Variants in MYO3A observed in about 807,000 individuals in gnomAD.
The protein encoded by MYO3A is myosin IIIA, also known as myosin-IIIa.
MYO3A carries 180 observed loss-of-function variants against 192.7 expected under a neutral mutation model. That is an observed-to-expected ratio of 0.93 (90% CI 0.83 to 1.06). The LOEUF (loss-of-function observed/expected upper bound fraction) is 1.06. Among genes scored for constraint, MYO3A ranks in the 50% least tolerant of loss-of-function variants. The probability of loss-of-function intolerance (pLI) is 0.00; values close to 1 mark genes in which losing one functional copy is unlikely to be tolerated. For missense variants in MYO3A, 1,896 were observed against 1,905.0 expected (o/e 1.00, Z 0.09); for synonymous variants, 628 against 645.3 (o/e 0.97, Z 0.41).
chr10:26,174,297 G>T lies in MYO3A; in HGVS notation c.4033G>T (p.Glu1345Ter). ...TGAACCAGTGACACAGGCCCAGGAG[G>T]AAGAAGATAAAGCAGCGGTATTCAT... ...QVEPVTQAQE[E>*]EDKAAVFIQS... The change falls in exon 30 of 35, where the codon GAA (glutamate) becomes TAA (stop). Residue 1345 changes from glutamate to a stop codon, truncating the protein, a stop_gained. Coordinates refer to ENST00000642920, the MANE Select transcript of MYO3A (RefSeq NM_017433.5). LOFTEE classifies it high-confidence loss of function. 1 of 1,614,024 alleles carries T rather than the reference G, an allele frequency of 6.2e-7. No individual in the cohort carries two copies. The highest frequency in any genetic ancestry group is 1.7e-4 in the Middle Eastern group (1 of 6,060).
At chr10:26,048,814 A>G (rs1224942184) in intron 10 of MYO3A, among the ~76,000 whole-genome samples, 2 of 152,196 alleles carry the variant, frequency 1.3e-5, no homozygotes, top group Admixed American at 6.5e-5. Context: ...TGTTGGAGAT[A>G]ATGCTTTGAG....
intron 18 of MYO3A, among the ~76,000 whole-genome samples, chr10:26,122,874 AT>A (rs1204399967): frequency 1.3e-5 from 2 of 152,230 alleles, no homozygotes; most frequent in African/African-American, 4.8e-5. Flanking sequence ...GTAGTAGACA[AT>A]AAATGTATGT....
At chr10:25,935,099 T>C (rs922534222) in intron 1 of MYO3A, among the ~76,000 whole-genome samples, 2 of 152,058 alleles carry the variant, frequency 1.3e-5, no homozygotes, top group Non-Finnish European at 2.9e-5. Context: ...TTCCGGGTGA[T>C]TTCTCAGAAC....
Position 26,004,090 on chromosome 10 carries a change from C to A in MYO3A, c.508+6832C>A, listed in dbSNP as rs1256445742. On this transcript the variant is annotated intron_variant, in intron 6 of 34. Transcript: ENST00000642920. ...GGGTGGGACAAGCAAGCATGGGAGT[C>A]CAGGTGCAGCTCAGTAGGCAGTTTG... 3.9e-5 allele frequency among the ~76,000 whole-genome samples: 6 copies of A among 152,084 alleles called. No individual in the cohort carries two copies. The East Asian group carries it at 1.2e-3, about 29-fold the overall frequency.
intron 26 of MYO3A, 94 bp from the exon 27 acceptor site, chr10:26,165,973 C>T (rs1318497696): frequency 6.8e-6 from 7 of 1,026,586 alleles, no homozygotes; most frequent in Non-Finnish European, 9.3e-6. Flanking sequence ...GGCATCTCTT[C>T]CTCAGCCCCT....
intron 22 of MYO3A, 113 bp from the exon 23 acceptor site, chr10:26,147,317 C>T: frequency 8.8e-7 from 1 of 1,140,154 alleles, no homozygotes; most frequent in Non-Finnish European, 1.3e-6. Context: ...ATCACTGTTG[C>T]TGAACATAGA....
At chr10:26,158,457 G>A (rs757943858) in intron 26 of MYO3A, among the ~76,000 whole-genome samples, 6 of 151,800 alleles carry the variant, frequency 4.0e-5, no homozygotes, top group Non-Finnish European at 7.4e-5. Flanking sequence ...GGGTTTCACC[G>A]TGTTAGCCAG....
chr10:26,211,820 T>A, intron 34 of MYO3A, 23 bp from the exon 35 acceptor site: 3 of 1,613,816 alleles, frequency 1.9e-6, no homozygotes, highest in Non-Finnish European at 2.5e-6. Context: ...GGTTGACACT[T>A]GGGCCCTGGG....
At chr10:26,125,860 T>A (rs1279966122) in intron 19 of MYO3A, among the ~76,000 whole-genome samples, 1 of 152,188 alleles carries the variant, frequency 6.6e-6, no homozygotes, top group Non-Finnish European at 1.5e-5. Flanking sequence ...AGAAAGTGAA[T>A]TCTTAAAATG....
intron 4 of MYO3A, among the ~76,000 whole-genome samples, chr10:25,992,922 G>C (rs1840149406): frequency 1.3e-5 from 2 of 152,160 alleles, no homozygotes; most frequent in African/African-American, 4.8e-5. Context: ...GTATTTTATT[G>C]AGGATATTTG....
At chr10:26,054,685 A>G (rs1844209919) in intron 10 of MYO3A, among the ~76,000 whole-genome samples, 4 of 152,200 alleles carry the variant, frequency 2.6e-5, no homozygotes. Flanking sequence ...GACAGAGGCA[A>G]GAAGGTTAGT....
At chr10:25,961,031 T>C (rs1313103337) in intron 4 of MYO3A, among the ~76,000 whole-genome samples, 1 of 152,210 alleles carries the variant, frequency 6.6e-6, no homozygotes, top group African/African-American at 2.4e-5. Context: ...ATTTTAGAGT[T>C]TAATTCTTGT....
chr10:26,035,621 T>G (rs1842989726), intron 10 of MYO3A, among the ~76,000 whole-genome samples: 1 of 152,222 alleles, frequency 6.6e-6, no homozygotes, highest in Admixed American at 6.5e-5. Flanking sequence ...TGTGGATCCT[T>G]ATTTTAGAGA....
chr10:26,151,546 T>C (rs981748297), intron 23 of MYO3A, among the ~76,000 whole-genome samples: 5 of 152,210 alleles, frequency 3.3e-5, no homozygotes, highest in Admixed American at 6.5e-5. Flanking sequence ...TTTCAACTTA[T>C]TGTTTTTCTT....
At chr10:26,141,113 G>C (rs938271170) in intron 20 of MYO3A, among the ~76,000 whole-genome samples, 6 of 152,100 alleles carry the variant, frequency 3.9e-5, no homozygotes, top group Admixed American at 2.6e-4. Context: ...ATTTTTAGTA[G>C]AGATGGGGTT....
chr10:26,124,966 T>C (rs1178066967), intron 18 of MYO3A, among the ~76,000 whole-genome samples: 2 of 152,172 alleles, frequency 1.3e-5, no homozygotes, highest in Admixed American at 1.3e-4. Flanking sequence ...TTTATTGAGG[T>C]ATACCCCTGA....
chr10:26,187,712 A>C (rs545484282), intron 31 of MYO3A, among the ~76,000 whole-genome samples: 7 of 136,874 alleles, frequency 5.1e-5, no homozygotes, highest in Non-Finnish European at 1.1e-4. Flanking sequence ...TCATTGTTCA[A>C]TTCCCACCTG....
chr10:26,092,054 C>A (rs1436599394), intron 15 of MYO3A, among the ~76,000 whole-genome samples: 1 of 152,112 alleles, frequency 6.6e-6, no homozygotes, highest in Non-Finnish European at 1.5e-5. Flanking sequence ...AGGTAGGTGG[C>A]AAGAGGAGGG....
chr10:26,055,071 AG>A (rs1250406155), intron 10 of MYO3A, among the ~76,000 whole-genome samples: 7 of 152,250 alleles, frequency 4.6e-5, no homozygotes, highest in African/African-American at 1.7e-4. Flanking sequence ...GACAATGGCC[AG>A]GATCTACCTA....
Sources: allele counts gnomAD v4.1 joint callset (sites outside exome capture counted in the v4.1 genomes callset), GRCh38; gene constraint gnomAD v4.1.1; transcripts MANE v1.5; gene names NCBI Gene and HGNC (gene_info 2026-07-23, HGNC 2026-07-21).